SLC1A2: variants seen among roughly 807,000 people sequenced by gnomAD.
SLC1A2 encodes solute carrier family 1 member 2, also known as excitatory amino acid transporter 2.
Under a neutral mutation model 48.8 loss-of-function variants are expected in SLC1A2, and 15 were observed. The ratio of observed to expected loss-of-function variants is 0.31; its 90% CI spans 0.21 to 0.47. The LOEUF is 0.47. Ranked by LOEUF, SLC1A2 falls within the 20% of genes least tolerant of loss-of-function variation. The pLI, the probability that SLC1A2 is intolerant of heterozygous loss-of-function variation, is 0.99. For missense variants in SLC1A2, 502 were observed against 730.5 expected (o/e 0.69, Z 3.61); for synonymous variants, 279 against 272.6 (o/e 1.02, Z -0.23).
intron 4 of SLC1A2, among the ~76,000 whole-genome samples, chr11:35,307,432 A>G (rs1851546804): frequency 6.6e-6 from 1 of 152,210 alleles, no homozygotes; most frequent in Admixed American, 6.5e-5. Flanking sequence ...CTCGACATCC[A>G]TGGCAGTGGT....
intron 1 of SLC1A2, among the ~76,000 whole-genome samples, chr11:35,394,228 C>A (rs1340851704): frequency 6.6e-6 from 1 of 152,018 alleles, no homozygotes. Context: ...GGCCTGAGGT[C>A]CACACTCTGT....
chr11:35,276,166 C>T (rs138447562), intron 9 of SLC1A2, among the ~76,000 whole-genome samples: 11 of 152,302 alleles, frequency 7.2e-5, no homozygotes, highest in South Asian at 2.1e-4. Context: ...TAGACTCTTG[C>T]TTCCAACCTG....
chr11:35,299,351 C>CTGTGTG (rs3046423), intron 6 of SLC1A2: 5 of 93,420 alleles, frequency 5.4e-5, no homozygotes, highest in South Asian at 9.4e-4. Flanking sequence ...CTCTCTCTCT[C>CTGTGTG]TCTGTGTGTG....
At chr11:35,318,270 G>A (rs12285197) in intron 1 of SLC1A2, among the ~76,000 whole-genome samples, 1,964 of 152,286 alleles carry the variant, frequency 0.013, 40 homozygotes, top group East Asian at 0.1. Flanking sequence ...TCTGCCCAAA[G>A]GAGCCCTTGC....
At chr11:35,418,729 TAAAAC>T (rs1855688313) in intron 1 of SLC1A2, 2 of 564,556 alleles carry the variant, frequency 3.5e-6, no homozygotes, top group Admixed American at 3.2e-5. Context: ...TTTATCAAAA[TAAAAC>T]AACCCTCCAC....
rs1466723035 is a variant in SLC1A2, at chr11:35,270,308, G to A, written c.1422-4550C>T. On this transcript the variant is annotated intron_variant, in intron 9 of 10. Transcript: ENST00000278379. ...AATGAGGCTAATCCCAACCTCACAG[G>A]AGGTTGTACTAAGCGGAATAAGAGA... is the stretch of plus-strand genomic sequence containing the variant. 3.3e-5 allele frequency among the ~76,000 whole-genome samples: 5 copies of A among 152,138 alleles called. No homozygotes were observed. The South Asian group carries it at 1.0e-3, about 32-fold the overall frequency.
intron 1 of SLC1A2, among the ~76,000 whole-genome samples, chr11:35,394,133 CT>C (rs143193915): frequency 0.016 from 2,432 of 151,638 alleles, 34 homozygotes; most frequent in Non-Finnish European, 0.025. Flanking sequence ...TAGGGTCTAA[CT>C]TTTTTTTTAA....
At chr11:35,416,742 A>C (rs1590297767) in intron 1 of SLC1A2, among the ~76,000 whole-genome samples, 1 of 152,246 alleles carries the variant, frequency 6.6e-6, no homozygotes, top group African/African-American at 2.4e-5. Flanking sequence ...CAATATTGTT[A>C]GAGGGCAAAA....
chr11:35,312,099 A>G, intron 4 of SLC1A2, 99 bp downstream of exon 4: 1 of 1,248,922 alleles, frequency 8.0e-7, no homozygotes, highest in East Asian at 2.3e-5. Flanking sequence ...ATATATTTAG[A>G]AAATTTCTAC....
At chr11:35,369,402 C>G (rs899270420) in intron 1 of SLC1A2, among the ~76,000 whole-genome samples, 15 of 152,204 alleles carry the variant, frequency 9.9e-5, no homozygotes, top group African/African-American at 3.6e-4. Context: ...AATCAGCTTA[C>G]CAAGCTCCAG....
chr11:35,340,806 A>G (rs147088376), intron 1 of SLC1A2, among the ~76,000 whole-genome samples: 16 of 152,346 alleles, frequency 1.1e-4, no homozygotes, highest in South Asian at 2.1e-4. Context: ...AACTGTGCAG[A>G]CACTGAAGTG....
chr11:35,313,739 A>G (rs1348490762), intron 3 of SLC1A2, among the ~76,000 whole-genome samples: 1 of 152,156 alleles, frequency 6.6e-6, no homozygotes. Context: ...AGGAGCACTG[A>G]TGGTAAATGC....
intron 9 of SLC1A2, among the ~76,000 whole-genome samples, chr11:35,268,835 A>G (rs1850182805): frequency 6.6e-6 from 1 of 152,158 alleles, no homozygotes; most frequent in Non-Finnish European, 1.5e-5. Context: ...TAGTAAAGTC[A>G]TACAGCAAAT....
At chr11:35,309,700 A>G (rs1276243430) in intron 4 of SLC1A2, among the ~76,000 whole-genome samples, 2 of 148,302 alleles carry the variant, frequency 1.3e-5, no homozygotes, top group Non-Finnish European at 3.0e-5. Flanking sequence ...AGCTGTACTC[A>G]TGGACACAGA....
intron 1 of SLC1A2, among the ~76,000 whole-genome samples, chr11:35,400,388 G>A (rs1034037046): frequency 4.6e-5 from 7 of 152,160 alleles, no homozygotes; most frequent in Non-Finnish European, 1.5e-5. Flanking sequence ...AGTAAAAATT[G>A]TAGGTTGCAA....
At chr11:35,278,576 G>T (rs943461667) in intron 9 of SLC1A2, among the ~76,000 whole-genome samples, 1 of 152,078 alleles carries the variant, frequency 6.6e-6, no homozygotes, top group African/African-American at 2.4e-5. Context: ...CCTAAGCCCT[G>T]TTGTCTGCAC....
At chr11:35,344,128 C>T (rs3901811) in intron 1 of SLC1A2, among the ~76,000 whole-genome samples, 88,203 of 151,812 alleles carry the variant, frequency 0.58, 26,145 homozygotes, top group East Asian at 0.7. Flanking sequence ...ATTCAACAGA[C>T]ATTTGCTGAG....
chr11:35,360,529 T>C (rs775841696), intron 1 of SLC1A2, among the ~76,000 whole-genome samples: 1 of 152,182 alleles, frequency 6.6e-6, no homozygotes, highest in Non-Finnish European at 1.5e-5. Flanking sequence ...CTCTTTGACA[T>C]TTAACCCTGA....
At chr11:35,303,512 C>G (rs1243357380) in intron 5 of SLC1A2, among the ~76,000 whole-genome samples, 2 of 152,208 alleles carry the variant, frequency 1.3e-5, no homozygotes, top group African/African-American at 4.8e-5. Flanking sequence ...CCAAGTCCTT[C>G]TCTCAAGCCC....
Sources: allele counts gnomAD v4.1 joint callset (sites outside exome capture counted in the v4.1 genomes callset), GRCh38; gene constraint gnomAD v4.1.1; transcripts MANE v1.5; gene names NCBI Gene and HGNC (gene_info 2026-07-23, HGNC 2026-07-21).